The following LIG1 variants were observed in gnomAD, a reference collection of about 807,000 sequenced individuals.
The protein encoded by LIG1 is ligase I, DNA, ATP-dependent.
A neutral mutation model predicts 115.7 loss-of-function variants in LIG1; 70 were observed. That is an observed-to-expected ratio of 0.60 (90% confidence interval 0.50 to 0.74). The LOEUF is 0.74. Among genes scored for constraint, LIG1 ranks in the 30% least tolerant of loss-of-function variants. The pLI is 0.00. For missense variants in LIG1, 1,115 were observed against 1,225.6 expected (o/e 0.91, Z 1.35); for synonymous variants, 487 against 495.3 (o/e 0.98, Z 0.22).
intron 12 of LIG1, chr19:48,138,021 T>TA (rs1465957681): frequency 2.3e-6 from 1 of 433,266 alleles, no homozygotes; most frequent in Non-Finnish European, 4.3e-6. Context: ...ACTAGGGAAG[T>TA]GAGTGTGGAC....
chr19:48,149,816 T>C lies in LIG1; in HGVS notation c.723A>G (p.Lys241=), dbSNP rs553259673. 1.9e-6 allele frequency: 3 copies of C among 1,613,920 alleles called. No individual in the cohort carries two copies. The African/African-American group carries it at 4.0e-5, about 22-fold the overall frequency. ...FFTPRKPAVK[K]EVKEEEPGAP... ...CCCCTGGCTCCTCTTCCTTCACTTC[T>C]TTTTTGACTGCTGGCTTCCGGGGGG... The change falls in exon 9 of 28, where the codon AAA becomes AAG. Residue 241 remains lysine, a synonymous_variant. Coordinates refer to ENST00000263274, the MANE Select transcript of LIG1 (RefSeq NM_000234.3).
chr19:48,132,790 C>CAAAAAAAAAAAA lies in LIG1; in HGVS notation c.1725+180_1725+191dup, dbSNP rs71181649. Reference sequence around the variant, plus strand: ...TGGATGACAGAGTGAGACTCTGTCTCAAAAAAAAAAAAAAAAAAAAAAAAA... The same window carrying CAAAAAAAAAAAA: ...TGGATGACAGAGTGAGACTCTGTCTCAAAAAAAAAAAAAAAAAAAAAAAAAAAAAAAAAAAAA... On this transcript the variant is annotated intron_variant, in intron 18 of 27. Coordinates refer to ENST00000263274, the MANE Select transcript of LIG1 (RefSeq NM_000234.3). Among the ~76,000 whole-genome samples, 161 of 48,258 alleles carry CAAAAAAAAAAAA rather than the reference C, an allele frequency of 3.3e-3. 18 individuals carry two copies. The highest frequency in any genetic ancestry group is 7.1e-3 in the African/African-American group (64 of 9,048). The allele number at this position is 48,258 out of a possible 152,430, so 31.7% of individuals were successfully genotyped here.
At chr19:48,136,349 G>A (rs1260086536) in intron 14 of LIG1, among the ~76,000 whole-genome samples, 3 of 152,192 alleles carry the variant, frequency 2.0e-5, no homozygotes, top group African/African-American at 7.2e-5. Context: ...AGACTGGGGA[G>A]GGGCACAAGT....
Position 48,157,150 on chromosome 19 carries a change from G to GA in LIG1, c.244-11dup. The GA allele has an allele frequency of 6.2e-7, 1 of 1,608,870 alleles. No homozygotes were observed. The highest frequency in any genetic ancestry group is 8.5e-7 in the Non-Finnish European group (1 of 1,177,126). On this transcript the variant is annotated splice_polypyrimidine_tract_variant and intron_variant, in intron 4 of 27. Coordinates refer to ENST00000263274, the MANE Select transcript of LIG1 (RefSeq NM_000234.3). ...AGTCCAGGGCAGGCTTCTGGAAGAG[G>GA]AAAGAACAGTTCTAGAGTGAGCGGG...
chr19:48,139,283 C>CAA (rs1311568867), intron 12 of LIG1, among the ~76,000 whole-genome samples: 3 of 152,200 alleles, frequency 2.0e-5, no homozygotes, highest in South Asian at 4.1e-4. Flanking sequence ...ACCAGGGTCC[C>CAA]AAGCTGCCGA....
In LIG1 at chr19:48,140,063, T is replaced by TAGAGGACAGGGAGGAGGTCTGG. The variant is rs1317004669; in HGVS notation, c.973_994dup (p.Tyr332SerfsTer27). 6.2e-7 allele frequency: 1 copy of TAGAGGACAGGGAGGAGGTCTGG among 1,613,836 alleles called. No homozygotes were observed. The highest frequency in any genetic ancestry group is 1.1e-5 in the South Asian group (1 of 91,074). On this transcript the variant is annotated frameshift_variant, in exon 12 of 28. Coordinates refer to ENST00000263274, the MANE Select transcript of LIG1 (RefSeq NM_000234.3). LOFTEE classifies it high-confidence loss of function. ...TGGCCCAAGGTGGTTGAGGCTGAGGTAGAGGACAGGGAGGAGGTCTGGAGG... is the reference window on the plus strand; with the variant it reads ...TGGCCCAAGGTGGTTGAGGCTGAGGTAGAGGACAGGGAGGAGGTCTGGAGAGGACAGGGAGGAGGTCTGGAGG...
intron 16 of LIG1, among the ~76,000 whole-genome samples, chr19:48,134,326 CAG>C (rs921234442): frequency 1.9e-4 from 29 of 152,324 alleles, no homozygotes; most frequent in African/African-American, 6.5e-4. Context: ...CTCGGCTACA[CAG>C]GAGACCACTC....
rs1695751112 is a variant in LIG1, at chr19:48,122,947, TGCGATCTCTTG to T, written c.2208_2218del (p.Lys737GlnfsTer11). The T allele has an allele frequency of 1.2e-6, 2 of 1,612,620 alleles. No homozygotes were observed. The highest frequency in any genetic ancestry group is 1.7e-6 in the Non-Finnish European group (2 of 1,179,796). ...GTCGAGAATCACCTTGAGCCAGTTG[TGCGATCTCTTG>T]GCGATCTCGTAGGTGGCATCAACAT... On this transcript the variant is annotated frameshift_variant, in exon 23 of 28. Coordinates refer to ENST00000263274, the MANE Select transcript of LIG1 (RefSeq NM_000234.3). LOFTEE classifies it high-confidence loss of function. The surrounding 1 kb of genome is among the most constrained non-coding windows in gnomAD (Gnocchi z 4.3).
At chr19:48,119,859 A>G (rs899143223) in intron 24 of LIG1, among the ~76,000 whole-genome samples, 7 of 152,140 alleles carry the variant, frequency 4.6e-5, no homozygotes, top group African/African-American at 1.7e-4. Flanking sequence ...CAATGTTAAC[A>G]CTGCCAAGAG....
At chr19:48,160,825 C>T (rs991520782) in intron 4 of LIG1, among the ~76,000 whole-genome samples, 4 of 151,874 alleles carry the variant, frequency 2.6e-5, no homozygotes, top group Admixed American at 6.6e-5. Flanking sequence ...CTTGAACACC[C>T]GGGCTCAAGC....
rs35538558 is a variant in LIG1, at chr19:48,159,080, A to AT, written c.244-1941dup. 2.3e-3 allele frequency among the ~76,000 whole-genome samples: 330 copies of AT among 140,784 alleles called. 3 individuals are homozygous for AT. Among genetic ancestry groups the AT allele is most frequent in the Middle Eastern group, 3.6e-3 (1 of 274 alleles). The allele number at this position is 140,784 out of a possible 152,430, so 92.4% of individuals were successfully genotyped here. On this transcript the variant is annotated intron_variant, in intron 4 of 27. Coordinates refer to ENST00000263274, the MANE Select transcript of LIG1 (RefSeq NM_000234.3). ...CTGATGGAGATACAGGTCTCAGATA[A>AT]TTTTTTTTTTTTTTTGAGATGGAGT...
intron 10 of LIG1, 31 bp downstream of exon 10, chr19:48,143,852 G>A (rs774398509): frequency 6.3e-7 from 1 of 1,576,442 alleles, no homozygotes. Flanking sequence ...AGGGACCGGA[G>A]GGGGACAGTC....
At chr19:48,115,790 C>A in intron 27 of LIG1, 58 bp from the exon 28 acceptor site, 3 of 1,584,142 alleles carry the variant, frequency 1.9e-6, no homozygotes, top group Non-Finnish European at 2.6e-6. Flanking sequence ...CCCACCTCCA[C>A]AAGGTTCCAG....
chr19:48,158,288 C>G (rs1309174485), intron 4 of LIG1, among the ~76,000 whole-genome samples: 1 of 152,188 alleles, frequency 6.6e-6, no homozygotes, highest in African/African-American at 2.4e-5. Flanking sequence ...GTGGGGTGCC[C>G]TCCTCTTCCT....
intron 21 of LIG1, 135 bp downstream of exon 21, chr19:48,127,142 G>C: frequency 2.6e-6 from 2 of 760,086 alleles, no homozygotes. Context: ...CACACTTTGA[G>C]AACTGCTGCC....
At chr19:48,118,724 T>C (rs1451266102) in intron 25 of LIG1, among the ~76,000 whole-genome samples, 1 of 151,874 alleles carries the variant, frequency 6.6e-6, no homozygotes, top group East Asian at 1.9e-4. Flanking sequence ...TATTTCTTCA[T>C]AGCAGTATGA....
chr19:48,117,959 T>G (rs2032982850), intron 25 of LIG1, 178 bp from the exon 26 acceptor site: 2 of 651,528 alleles, frequency 3.1e-6, no homozygotes, highest in Non-Finnish European at 5.4e-6. Context: ...TAAACAGAAA[T>G]AGAAAGAGAA....
At chr19:48,117,313 T>C (rs2032916980) in intron 26 of LIG1, among the ~76,000 whole-genome samples, 1 of 150,346 alleles carries the variant, frequency 6.7e-6, no homozygotes, top group Non-Finnish European at 1.5e-5. Flanking sequence ...GCACCCGCCA[T>C]CACACATGGC....
In LIG1 at chr19:48,137,422, C is replaced by G. The variant is rs147964398; in HGVS notation, c.1254+100G>C. The G allele has an allele frequency of 9.6e-6, 14 of 1,455,788 alleles. 1 individual carries two copies. The highest frequency in any genetic ancestry group is 2.8e-5 in the African/African-American group (2 of 71,726). 90.2% of individuals were successfully genotyped at this position (1,455,788 alleles called of 1,614,324 possible). The stretch of plus-strand genomic sequence containing the variant: ...GTGCACCCCATGAGAAGGACTGATG[C>G]GACCCAGCTGATGGTCTACCCAGAA... On this transcript the variant is annotated intron_variant, in intron 13 of 27. Coordinates refer to ENST00000263274, the MANE Select transcript of LIG1 (RefSeq NM_000234.3). The surrounding 1 kb of genome is among the most constrained non-coding windows in gnomAD (Gnocchi z 4.3).
Sources: gnomAD v4.1 joint callset for allele counts (sites outside exome capture counted in the v4.1 genomes callset) on GRCh38, gnomAD v4.1.1 for gene constraint, Gnocchi (gnomAD v3.1) non-coding constraint, MANE v1.5 for transcripts, NCBI Gene and HGNC (gene_info 2026-07-23, HGNC 2026-07-21) for gene names.